Variants in ABCC6 observed in about 807,000 individuals in gnomAD.
ABCC6 encodes ATP binding cassette subfamily C member 6, also known as ATP-binding cassette sub-family C member 6.
In ABCC6, 126 loss-of-function variants were observed where a neutral mutation model predicts 169.5. The ratio of observed to expected loss-of-function variants is 0.74; its 90% confidence interval spans 0.64 to 0.86. The LOEUF (loss-of-function observed/expected upper bound fraction) is 0.86. Among genes scored for constraint, ABCC6 ranks in the 40% least tolerant of loss-of-function variants. The probability of loss-of-function intolerance (pLI) is 0.00; values close to 1 mark genes in which losing one functional copy is unlikely to be tolerated. For synonymous variants in ABCC6, 752 were observed against 814.7 expected (o/e 0.92, Z 1.31); for missense variants, 1,733 against 1,927.2 (o/e 0.90, Z 1.89).
At chr16:16,175,888 G>C in intron 20 of ABCC6, 23 bp downstream of exon 20, 1 of 1,613,876 alleles carries the variant, frequency 6.2e-7, no homozygotes, top group Non-Finnish European at 8.5e-7. Flanking sequence ...GCCCTTCTGA[G>C]TGTGGCACCA....
At chr16:16,201,506 A>G (rs1018658612) in intron 9 of ABCC6, among the ~76,000 whole-genome samples, 2 of 152,106 alleles carry the variant, frequency 1.3e-5, no homozygotes, top group African/African-American at 2.4e-5. Flanking sequence ...GTGTGGCTGG[A>G]GGAGAGTGAG....
At chr16:16,180,613 C>T (rs956862072) in intron 17 of ABCC6, among the ~76,000 whole-genome samples, 10 of 152,178 alleles carry the variant, frequency 6.6e-5, no homozygotes, top group Non-Finnish European at 1.2e-4. Flanking sequence ...CTGCCTCAGC[C>T]TCCCAAGTAG....
At chr16:16,156,321 C>T (rs1366250613) in intron 27 of ABCC6, among the ~76,000 whole-genome samples, 1 of 152,202 alleles carries the variant, frequency 6.6e-6, no homozygotes, top group Non-Finnish European at 1.5e-5. Flanking sequence ...GAGAAGACCT[C>T]ATGGAGGAAG....
In ABCC6 at chr16:16,159,499, CA is replaced by C; in HGVS notation, c.3717del (p.Tyr1239Ter). 2 of 1,614,068 alleles carry C rather than the reference CA, an allele frequency of 1.2e-6. No homozygotes were observed. The highest frequency in any genetic ancestry group is 3.3e-4 in the Middle Eastern group (2 of 6,062). On this transcript the variant is annotated frameshift_variant, in exon 26 of 31. Transcript: ENST00000205557. LOFTEE classifies it high-confidence loss of function. Reference sequence around the variant, plus strand: ...CCCATCACCTCCTTGGGCGTCCAGGCATAGTCCTGCATCCGCTCCACTGACA... The same window carrying C: ...CCCATCACCTCCTTGGGCGTCCAGGCTAGTCCTGCATCCGCTCCACTGACA... ...SIVSVERMQD[Y>X]AWTPKEAPWR... is the part of the protein sequence containing the mutation.
intron 11 of ABCC6, among the ~76,000 whole-genome samples, chr16:16,192,499 G>C (rs1033915893): frequency 5.9e-5 from 9 of 152,154 alleles, no homozygotes; most frequent in African/African-American, 2.2e-4. Flanking sequence ...TAGAGATCAT[G>C]GGGTTCGGAG....
chr16:16,165,724 A>C lies in ABCC6; in HGVS notation c.3205T>G (p.Tyr1069Asp), dbSNP rs1310418153. Reference protein sequence around the residue: ...IPDKLRSLLMYAFGLLEVSLV... With the variant: ...IPDKLRSLLMDAFGLLEVSLV... ...CTGACCTCCAGGAGTCCAAAGGCGT[A>C]CATCAGCAGGGACCGGAGTTTGTCT... The change falls in exon 23 of 31, where the codon TAC (tyrosine) becomes GAC (aspartate). Residue 1069 changes from tyrosine (Y) to aspartate (D), a missense_variant. Around this residue, in one of 5 missense-constraint regions of ABCC6, gnomAD observed 1,601 missense variants for 1,635.5 expected, o/e 0.98. Coordinates refer to ENST00000205557, the MANE Select transcript of ABCC6 (RefSeq NM_001171.6). 1 of 1,613,574 alleles carries C rather than the reference A, an allele frequency of 6.2e-7. No individual in the cohort carries two copies. The highest frequency in any genetic ancestry group is 1.3e-5 in the African/African-American group (1 of 74,934).
At chr16:16,193,932 G>T (rs2047949899) in intron 10 of ABCC6, among the ~76,000 whole-genome samples, 1 of 152,214 alleles carries the variant, frequency 6.6e-6, no homozygotes, top group South Asian at 2.1e-4. Context: ...TGCTCATGGG[G>T]TCTGCTGTGT....
intron 15 of ABCC6, among the ~76,000 whole-genome samples, chr16:16,184,505 T>C (rs1201775639): frequency 6.6e-6 from 1 of 152,194 alleles, no homozygotes; most frequent in Non-Finnish European, 1.5e-5. Flanking sequence ...ATTCCTTCTC[T>C]TCTTAGGGAG....
At chr16:16,162,307 A>G (rs951562721) in intron 24 of ABCC6, among the ~76,000 whole-genome samples, 1 of 151,988 alleles carries the variant, frequency 6.6e-6, no homozygotes, top group Non-Finnish European at 1.5e-5. Flanking sequence ...CCCTCTCCAC[A>G]CTCTGGTACC....
rs535492268 is a variant in ABCC6, at chr16:16,170,276, G to C, written c.2788-423C>G. ...CCACCATGTTTTGTTAATTTTCATA[G>C]TTTTAAAGAGATGGAATCTCGCTGT... On this transcript the variant is annotated intron_variant, in intron 21 of 30. Transcript: ENST00000205557. 3.3e-5 allele frequency among the ~76,000 whole-genome samples: 5 copies of C among 152,044 alleles called. No individual in the cohort carries two copies. The South Asian group carries it at 1.0e-3, about 32-fold the overall frequency.
chr16:16,170,421 C>A (rs1407171681), intron 21 of ABCC6, among the ~76,000 whole-genome samples: 1 of 152,080 alleles, frequency 6.6e-6, no homozygotes, highest in Admixed American at 6.6e-5. Context: ...CTTGAACACC[C>A]ACCATAGGTC....
chr16:16,162,011 A>G (rs1445119422), intron 24 of ABCC6, among the ~76,000 whole-genome samples: 2 of 152,160 alleles, frequency 1.3e-5, no homozygotes, highest in African/African-American at 4.8e-5. Flanking sequence ...TCACAAGATC[A>G]TATGGCGTAA....
chr16:16,214,599 A>T (rs2048781577), intron 4 of ABCC6, 150 bp from the exon 5 acceptor site: 2 of 1,440,530 alleles, frequency 1.4e-6, no homozygotes, highest in African/African-American at 2.9e-5. Context: ...AGTGGTTCTA[A>T]TTTTCTTTCT....
chr16:16,171,964 G>A (rs2047097068), intron 21 of ABCC6, among the ~76,000 whole-genome samples: 1 of 123,766 alleles, frequency 8.1e-6, no homozygotes, highest in Non-Finnish European at 1.7e-5. Context: ...GAGTGGTTGG[G>A]TGGGTGGGAT....
At chr16:16,194,916 G>A (rs908373739) in intron 10 of ABCC6, among the ~76,000 whole-genome samples, 1 of 152,118 alleles carries the variant, frequency 6.6e-6, no homozygotes, top group Non-Finnish European at 1.5e-5. Flanking sequence ...CTGGCCTCAA[G>A]TGATCCACCC....
chr16:16,209,591 CT>C (rs528011218), intron 6 of ABCC6, among the ~76,000 whole-genome samples: 5,361 of 145,226 alleles, frequency 0.037, 111 homozygotes, highest in African/African-American at 0.047. Flanking sequence ...CCTCCCTCAG[CT>C]TTTTTTTTTT....
chr16:16,167,286 C>T (rs9931948), intron 22 of ABCC6, among the ~76,000 whole-genome samples: 149,175 of 152,310 alleles, frequency 0.98, 73,130 homozygotes, highest in Middle Eastern at 1. Context: ...AAGCTGGAGC[C>T]GTGGAATATC....
At chr16:16,166,018 C>T (rs1413931482) in intron 22 of ABCC6, 85 bp from the exon 23 acceptor site, 4 of 1,380,056 alleles carry the variant, frequency 2.9e-6, no homozygotes, top group Non-Finnish European at 4.0e-6. Flanking sequence ...TCTCCCGCTA[C>T]CCCATGGTGG....
chr16:16,210,753 T>C (rs144570413), intron 6 of ABCC6, among the ~76,000 whole-genome samples: 5,384 of 152,270 alleles, frequency 0.035, 114 homozygotes, highest in African/African-American at 0.046. Context: ...CTCTAAGCTC[T>C]TTCTACCAGT....
Sources: gnomAD v4.1 joint callset for allele counts (sites outside exome capture counted in the v4.1 genomes callset) on GRCh38, gnomAD v4.1.1 for gene constraint, gnomAD v4.1.1 regional missense constraint, MANE v1.5 for transcripts, NCBI Gene and HGNC (gene_info 2026-07-23, HGNC 2026-07-21) for gene names.